Variants in TEK observed in about 807,000 individuals in gnomAD.
TEK encodes the protein angiopoietin-1 receptor.
In TEK, 43 loss-of-function variants were observed where a neutral mutation model predicts 131.8. That is an observed-to-expected ratio of 0.33 (90% CI 0.26 to 0.42). TEK has a LOEUF of 0.42. TEK is among the 10% of genes least tolerant of loss of function. TEK has a pLI of 1.00. For synonymous variants in TEK, 580 were observed against 491.6 expected, an observed-to-expected ratio of 1.18 and a Z score of -2.38; for missense variants, 1,162 against 1,384.4, an observed-to-expected ratio of 0.84 and a Z score of 2.55.
chr9:27,166,222 T>C (rs1318454368), intron 2 of TEK, among the ~76,000 whole-genome samples: 1 of 152,260 alleles, frequency 6.6e-6, no homozygotes, highest in Non-Finnish European at 1.5e-5. Flanking sequence ...CAGAGAATTT[T>C]GTTATTAACA....
At chr9:27,204,868 A>T (rs1186847374) in intron 13 of TEK, 43 bp from the exon 14 acceptor site, 1 of 1,612,004 alleles carries the variant, frequency 6.2e-7, no homozygotes, top group African/African-American at 1.3e-5. Flanking sequence ...CTGTTTCTCT[A>T]TGTAAACTAA....
chr9:27,215,522 C>CTGAT (rs1323648211), intron 18 of TEK, among the ~76,000 whole-genome samples: 2 of 148,582 alleles, frequency 1.3e-5, no homozygotes, highest in Non-Finnish European at 3.0e-5. Context: ...TGTGGATATT[C>CTGAT]TGATTCAATT....
At chr9:27,223,195 C>G (rs1312313973) in intron 21 of TEK, among the ~76,000 whole-genome samples, 1 of 152,094 alleles carries the variant, frequency 6.6e-6, no homozygotes, top group East Asian at 1.9e-4. Context: ...TAACACCCCA[C>G]TATCAATATT....
intron 1 of TEK, 129 bp from the exon 2 acceptor site, chr9:27,157,702 C>T (rs183856598): frequency 1.6e-4 from 182 of 1,120,648 alleles, no homozygotes; most frequent in Non-Finnish European, 4.7e-5. Flanking sequence ...AAGATAGGCA[C>T]ATGGTCAGAA....
intron 21 of TEK, among the ~76,000 whole-genome samples, chr9:27,221,358 A>G (rs1490384575): frequency 6.6e-6 from 1 of 152,168 alleles, no homozygotes; most frequent in Non-Finnish European, 1.5e-5. Flanking sequence ...AGCAGACTTA[A>G]ACGTTCCTGC....
At chr9:27,144,704 T>C (rs891848006) in intron 1 of TEK, among the ~76,000 whole-genome samples, 2 of 151,988 alleles carry the variant, frequency 1.3e-5, no homozygotes, top group Admixed American at 1.3e-4. Context: ...TGGAAGACAA[T>C]AGATTCCAAA....
intron 12 of TEK, among the ~76,000 whole-genome samples, chr9:27,202,405 T>C (rs1041861737): frequency 6.6e-6 from 1 of 152,124 alleles, no homozygotes; most frequent in Non-Finnish European, 1.5e-5. Context: ...ACTTAATCTC[T>C]CCAGACCTCA....
intron 2 of TEK, among the ~76,000 whole-genome samples, chr9:27,166,718 G>A (rs142865421): frequency 2.6e-5 from 4 of 151,922 alleles, no homozygotes; most frequent in East Asian, 3.9e-4. Flanking sequence ...CCATTATGTC[G>A]AATGTATACT....
At chr9:27,117,415 G>A (rs1821613699) in intron 1 of TEK, among the ~76,000 whole-genome samples, 1 of 152,164 alleles carries the variant, frequency 6.6e-6, no homozygotes, top group Admixed American at 6.5e-5. Flanking sequence ...CTGGCCAGAC[G>A]ATTCCTTAAC....
intron 2 of TEK, among the ~76,000 whole-genome samples, chr9:27,164,429 C>A (rs974072651): frequency 1.3e-5 from 2 of 151,572 alleles, no homozygotes; most frequent in South Asian, 4.2e-4. Flanking sequence ...ACGCCATTCT[C>A]CTGCCTAAGC....
At chr9:27,151,256 C>A (rs1207016188) in intron 1 of TEK, among the ~76,000 whole-genome samples, 1 of 152,046 alleles carries the variant, frequency 6.6e-6, no homozygotes. Flanking sequence ...TGGAAACATG[C>A]CTGGGAACTG....
At chr9:27,175,332 G>T (rs934467682) in intron 6 of TEK, among the ~76,000 whole-genome samples, 51 of 149,962 alleles carry the variant, frequency 3.4e-4, no homozygotes, top group Non-Finnish European at 7.0e-4. Flanking sequence ...ATTTTTTATG[G>T]CTGCATAGTA....
intron 17 of TEK, 67 bp from the exon 18 acceptor site, chr9:27,213,417 T>G (rs928505454): frequency 6.2e-5 from 71 of 1,147,708 alleles, no homozygotes; most frequent in Non-Finnish European, 9.1e-5. Context: ...TCTTTCCTGT[T>G]CCCCAAAGTT....
At chr9:27,159,614 C>G (rs572572910) in intron 2 of TEK, among the ~76,000 whole-genome samples, 19 of 152,306 alleles carry the variant, frequency 1.2e-4, no homozygotes, top group African/African-American at 4.6e-4. Context: ...TGCTACCACC[C>G]CACAAGGTGA....
At chr9:27,182,782 A>T (rs945747164) in intron 7 of TEK, among the ~76,000 whole-genome samples, 1 of 152,128 alleles carries the variant, frequency 6.6e-6, no homozygotes, top group Non-Finnish European at 1.5e-5. Flanking sequence ...AGAAATCCTG[A>T]CACCATTACC....
At chr9:27,120,409 G>T (rs192756846) in intron 1 of TEK, among the ~76,000 whole-genome samples, 3 of 152,230 alleles carry the variant, frequency 2.0e-5, no homozygotes, top group Non-Finnish European at 4.4e-5. Flanking sequence ...TAACCTCCTC[G>T]CATGGATTAG....
At chr9:27,216,484 T>C (rs1825824334) in intron 18 of TEK, among the ~76,000 whole-genome samples, 1 of 152,072 alleles carries the variant, frequency 6.6e-6, no homozygotes, top group Middle Eastern at 3.4e-3. Context: ...CAGATAACAC[T>C]GTAGAGAGAG....
chr9:27,184,303 A>G (rs1045522088), intron 8 of TEK, among the ~76,000 whole-genome samples: 3 of 152,188 alleles, frequency 2.0e-5, no homozygotes, highest in African/African-American at 7.2e-5. Flanking sequence ...TCTCCCAACT[A>G]TACCAAATGC....
chr9:27,225,728 T>C (rs897913666), intron 21 of TEK, among the ~76,000 whole-genome samples: 4 of 152,070 alleles, frequency 2.6e-5, no homozygotes, highest in African/African-American at 9.7e-5. Flanking sequence ...AAAGCCAAAA[T>C]TGACAAATGG....
Sources: allele counts gnomAD v4.1 joint callset (sites outside exome capture counted in the v4.1 genomes callset), GRCh38; gene constraint gnomAD v4.1.1; transcripts MANE v1.5; gene names NCBI Gene and HGNC (gene_info 2026-07-23, HGNC 2026-07-21).